The following SMAP1 variants were observed in gnomAD, a reference collection of about 807,000 sequenced individuals.
SMAP1 encodes the protein small ArfGAP 1, also known as stromal membrane-associated protein 1.
A neutral mutation model predicts 58.5 loss-of-function variants in SMAP1; 24 were observed. The observed-to-expected ratio is 0.41, with a 90% CI of 0.30 to 0.58. The LOEUF (loss-of-function observed/expected upper bound fraction) is 0.58. Ranked by LOEUF, SMAP1 falls within the 20% of genes least tolerant of loss-of-function variation. The pLI, the probability that SMAP1 is intolerant of heterozygous loss-of-function variation, is 0.29. For synonymous variants in SMAP1, 216 were observed against 196.6 expected, an observed-to-expected ratio of 1.10 and a Z score of -0.82; for missense variants, 563 against 566.3, an observed-to-expected ratio of 0.99 and a Z score of 0.06.
chr6:70,862,007 ACTT>A, downstream of SMAP1: 1 of 1,554,768 alleles, frequency 6.4e-7, no homozygotes, highest in Non-Finnish European at 8.7e-7. Flanking sequence ...AAAAAAAGAG[ACTT>A]TAAAATCCTG....
chr6:70,729,974 CATG>C (rs932060161), intron 1 of SMAP1, among the ~76,000 whole-genome samples: 17 of 152,188 alleles, frequency 1.1e-4, no homozygotes, highest in Non-Finnish European at 2.1e-4. Flanking sequence ...TCTTCATTTT[CATG>C]ATATTTCCAG....
intron 1 of SMAP1, among the ~76,000 whole-genome samples, chr6:70,684,268 G>A (rs1766843908): frequency 6.6e-6 from 1 of 152,192 alleles, no homozygotes. Context: ...AGAGGTATTT[G>A]TAAATATTTT....
chr6:70,828,112 T>G (rs913549349), intron 6 of SMAP1, among the ~76,000 whole-genome samples: 1 of 152,142 alleles, frequency 6.6e-6, no homozygotes, highest in East Asian at 1.9e-4. Flanking sequence ...CAAACAGATA[T>G]AGTAATTATA....
At chr6:70,759,603 A>G (rs1026895007) in intron 3 of SMAP1, among the ~76,000 whole-genome samples, 5 of 152,182 alleles carry the variant, frequency 3.3e-5, no homozygotes, top group Non-Finnish European at 7.4e-5. Context: ...TATTCTATGC[A>G]CCATTTTGTG....
intron 6 of SMAP1, among the ~76,000 whole-genome samples, chr6:70,799,070 G>A (rs1268364949): frequency 6.6e-6 from 1 of 152,110 alleles, no homozygotes; most frequent in East Asian, 1.9e-4. Context: ...TAAATGAAAG[G>A]GACTTCAGAA....
chr6:70,827,991 G>T (rs945495871), intron 6 of SMAP1, among the ~76,000 whole-genome samples: 1 of 152,042 alleles, frequency 6.6e-6, no homozygotes, highest in Non-Finnish European at 1.5e-5. Context: ...AGAAACTAAA[G>T]ATTTTGAATA....
chr6:70,748,702 T>A (rs1248966716), intron 2 of SMAP1, among the ~76,000 whole-genome samples: 1 of 152,130 alleles, frequency 6.6e-6, no homozygotes, highest in African/African-American at 2.4e-5. Flanking sequence ...TAGCCCCTTC[T>A]AATTATTTTA....
chr6:70,812,006 A>G (rs1161266332), intron 6 of SMAP1, among the ~76,000 whole-genome samples: 3 of 152,216 alleles, frequency 2.0e-5, no homozygotes, highest in Non-Finnish European at 2.9e-5. Context: ...GATGATTCAC[A>G]TCGCTGGGAC....
At chr6:70,750,337 T>G (rs1766224814) in intron 2 of SMAP1, among the ~76,000 whole-genome samples, 1 of 152,222 alleles carries the variant, frequency 6.6e-6, no homozygotes, top group Non-Finnish European at 1.5e-5. Flanking sequence ...ATTCCCATGT[T>G]TAGTTATACG....
chr6:70,719,850 T>TG (rs1768442065), intron 1 of SMAP1, among the ~76,000 whole-genome samples: 1 of 152,190 alleles, frequency 6.6e-6, no homozygotes, highest in South Asian at 2.1e-4. Flanking sequence ...TATCTTGCTC[T>TG]GGGTCCCTCC....
chr6:70,858,178 G>GAGTA lies in SMAP1; in HGVS notation c.1222_1225dup (p.Phe409Ter), dbSNP rs774884163. 1 of 1,613,130 alleles carries GAGTA rather than the reference G, an allele frequency of 6.2e-7. No individual in the cohort carries two copies. The highest frequency in any genetic ancestry group is 8.5e-7 in the Non-Finnish European group (1 of 1,179,666). On this transcript the variant is annotated frameshift_variant, in exon 10 of 11. Transcript: ENST00000370455. LOFTEE classifies it high-confidence loss of function. ...TGGTGGGACAAATGGGTGCACCCCA[G>GAGTA]AGTAAGTTTGGCCTGCCGCAAGCTC...
chr6:70,690,520 G>C (rs946072180), intron 1 of SMAP1, among the ~76,000 whole-genome samples: 2 of 151,784 alleles, frequency 1.3e-5, no homozygotes, highest in Admixed American at 6.6e-5. Context: ...TGGTCAGGCT[G>C]GTCTTGAACT....
intron 1 of SMAP1, among the ~76,000 whole-genome samples, chr6:70,677,231 C>T (rs1383680161): frequency 6.8e-6 from 1 of 146,848 alleles, no homozygotes; most frequent in Non-Finnish European, 1.5e-5. Flanking sequence ...GGTCATCTAC[C>T]TGGGCTTTTT....
intron 4 of SMAP1, among the ~76,000 whole-genome samples, chr6:70,791,198 T>G (rs900816142): frequency 4.6e-5 from 7 of 152,248 alleles, no homozygotes; most frequent in Non-Finnish European, 8.8e-5. Flanking sequence ...TTCTGTTTTC[T>G]TAAACAGTTG....
chr6:70,789,637 C>A (rs1326393000), intron 4 of SMAP1, among the ~76,000 whole-genome samples: 4 of 140,164 alleles, frequency 2.9e-5, no homozygotes, highest in African/African-American at 1.1e-4. Flanking sequence ...ATCTGTTATC[C>A]CAGCTATCCG....
intron 3 of SMAP1, among the ~76,000 whole-genome samples, chr6:70,762,664 A>T (rs561313800): frequency 6.6e-6 from 1 of 152,262 alleles, no homozygotes; most frequent in Non-Finnish European, 1.5e-5. Flanking sequence ...AAGTATAAAA[A>T]GTGATCTTAT....
Position 70,857,016 on chromosome 6 carries a change from A to G in SMAP1, c.947A>G (p.Gln316Arg), listed in dbSNP as rs1407367678. Residue 316 changes from glutamine to arginine, a missense_variant, in exon 9 of 11, where the codon CAG (glutamine) becomes CGG (arginine). By Grantham distance (43) the Gln-to-Arg change is conservative. This residue lies in a region of SMAP1 where 494 missense variants were observed against 473.8 expected (regional missense o/e 1.04). Transcript: ENST00000370455. ...CTGTATGGCACAGGAACCATTCAAC[A>G]GCAAAGTACTCCTGGTAATGAATTT... ...LSLYGTGTIQ[Q>R]QSTPGVFMGP... is the part of the protein sequence containing the mutation. 1.2e-6 allele frequency: 2 copies of G among 1,608,162 alleles called. No homozygotes were observed. Among genetic ancestry groups the G allele is most frequent in the Admixed American group, 1.7e-5 (1 of 59,226 alleles).
chr6:70,859,176 A>C, intron 10 of SMAP1: 1 of 543,754 alleles, frequency 1.8e-6, no homozygotes, highest in Non-Finnish European at 3.2e-6. Flanking sequence ...CATTTACAAG[A>C]ATATAGGTAA....
intron 7 of SMAP1, among the ~76,000 whole-genome samples, chr6:70,845,604 G>A (rs1184388315): frequency 3.9e-4 from 59 of 152,214 alleles, no homozygotes; most frequent in Admixed American, 3.8e-3. Flanking sequence ...GTGAATAACA[G>A]TTGGAAAAGA....
Sources: allele counts gnomAD v4.1 joint callset (sites outside exome capture counted in the v4.1 genomes callset), GRCh38; gene constraint gnomAD v4.1.1; regional missense constraint gnomAD v4.1.1; transcripts MANE v1.5; gene names NCBI Gene and HGNC (gene_info 2026-07-23, HGNC 2026-07-21).